Variants in KIAA2012 observed in about 807,000 individuals in gnomAD.
KIAA2012 encodes uncharacterized protein KIAA2012.
Under a neutral mutation model 150.6 loss-of-function variants are expected in KIAA2012, and 125 were observed. The ratio of observed to expected loss-of-function variants is 0.83; its 90% CI spans 0.72 to 0.96. The LOEUF is 0.96. Ranked by LOEUF, KIAA2012 falls within the 40% of genes least tolerant of loss-of-function variation. The probability of loss-of-function intolerance (pLI) is 0.00; values close to 1 mark genes in which losing one functional copy is unlikely to be tolerated. For missense variants in KIAA2012, 1,219 were observed against 1,354.9 expected, an observed-to-expected ratio of 0.90 and a Z score of 1.57; for synonymous variants, 462 against 504.7, an observed-to-expected ratio of 0.92 and a Z score of 1.13.
At chr2:202,080,178 C>A (rs1311611709) in intron 2 of KIAA2012, among the ~76,000 whole-genome samples, 1 of 152,180 alleles carries the variant, frequency 6.6e-6, no homozygotes, top group East Asian at 1.9e-4. Context: ...ATCTCCCCAG[C>A]TTTAACAGTA....
intron 13 of KIAA2012, among the ~76,000 whole-genome samples, chr2:202,140,493 G>T (rs535300004): frequency 1.3e-5 from 2 of 152,086 alleles, no homozygotes; most frequent in Non-Finnish European, 2.9e-5. Flanking sequence ...GAAAGAAAGG[G>T]CATCTGAGGA....
rs192571727 is a variant in KIAA2012, at chr2:202,190,229, A to G, written c.2547A>G (p.Gln849=). ...KKKLEKKTRP[Q]RKRTQKERNL... ...AATTAGAAAAAAAAACAAGACCCCA[A>G]AGGAAAAGGACACAGAAGGAAAGAA... is the stretch of plus-strand genomic sequence containing the variant. The change falls in exon 19 of 24, where the codon CAA becomes CAG. Residue 849 remains glutamine, a synonymous_variant. Transcript: ENST00000498697. The G allele has an allele frequency of 2.8e-5, 43 of 1,531,298 alleles. No individual in the cohort carries two copies. In the Admixed American group the frequency reaches 4.9e-4, roughly 17 times the overall value. 94.9% of individuals were successfully genotyped at this position (1,531,298 alleles called of 1,614,324 possible). A position where few individuals can be genotyped will look rare whatever the true frequency, so the allele number is the denominator to read the frequency against.
chr2:202,203,508 G>A (rs1172130022), intron 23 of KIAA2012, among the ~76,000 whole-genome samples: 3 of 152,128 alleles, frequency 2.0e-5, no homozygotes, highest in Admixed American at 1.3e-4. Flanking sequence ...AGCACCAGCC[G>A]CATGTAGCTA....
At position 202,109,602 on chromosome 2, in the gene KIAA2012, T is replaced by C; in HGVS notation, c.1475-11T>C. ...TTCTCACACAGGCTTTTTCCCCTTT[T>C]GTTTTTAAAGATGATGATGCCCCAC... On this transcript the variant is annotated splice_polypyrimidine_tract_variant and intron_variant, in intron 9 of 23. Transcript: ENST00000498697. The C allele has an allele frequency of 1.3e-6, 2 of 1,511,686 alleles. No individual in the cohort carries two copies. The highest frequency in any genetic ancestry group is 1.8e-6 in the Non-Finnish European group (2 of 1,132,160). 93.6% of individuals were successfully genotyped at this position (1,511,686 alleles called of 1,614,324 possible).
chr2:202,109,182 C>G (rs1268497175), intron 9 of KIAA2012, among the ~76,000 whole-genome samples: 2 of 152,214 alleles, frequency 1.3e-5, no homozygotes, highest in Non-Finnish European at 2.9e-5. Flanking sequence ...AGCTCTAAAG[C>G]TGGGATCTCC....
At chr2:202,187,357 T>C (rs1218685274) in intron 17 of KIAA2012, among the ~76,000 whole-genome samples, 1 of 151,900 alleles carries the variant, frequency 6.6e-6, no homozygotes, top group Admixed American at 6.6e-5. Context: ...CAGGCTGGAG[T>C]GCAGTGGCGC....
At chr2:202,128,565 C>T (rs1690852010) in intron 12 of KIAA2012, among the ~76,000 whole-genome samples, 1 of 152,154 alleles carries the variant, frequency 6.6e-6, no homozygotes, top group East Asian at 1.9e-4. Flanking sequence ...AGGCACCACA[C>T]TCAGTCACTA....
chr2:202,193,878 A>C (rs116981395), intron 20 of KIAA2012, among the ~76,000 whole-genome samples: 2 of 152,330 alleles, frequency 1.3e-5, no homozygotes, highest in East Asian at 3.9e-4. Context: ...CACAGGCCTC[A>C]ACTGCAATTT....
intron 2 of KIAA2012, among the ~76,000 whole-genome samples, chr2:202,076,111 A>T (rs1027241565): frequency 2.6e-5 from 4 of 152,176 alleles, no homozygotes; most frequent in Admixed American, 2.6e-4. Flanking sequence ...CACAACTTAA[A>T]TACCATCCCC....
intron 2 of KIAA2012, among the ~76,000 whole-genome samples, chr2:202,075,518 CT>C (rs1227278636): frequency 6.6e-6 from 1 of 152,214 alleles, no homozygotes; most frequent in Non-Finnish European, 1.5e-5. Context: ...CCTTGAAATC[CT>C]GTCTCATAGC....
rs138096416 is a variant in KIAA2012, at chr2:202,149,551, G to A, written c.1909-5122G>A. Among the ~76,000 whole-genome samples, 420 of 152,354 alleles carry A rather than the reference G, an allele frequency of 2.8e-3. 2 individuals carry two copies. The highest frequency in any genetic ancestry group is 9.9e-3 in the African/African-American group (410 of 41,580). The stretch of plus-strand genomic sequence containing the variant: ...GGCAGAATGAAGTTGTGAGCTGCGT[G>A]GGAGGGAGTTAGACAGTGAGAGTGT... On this transcript the variant is annotated intron_variant, in intron 13 of 23. Transcript: ENST00000498697.
intron 13 of KIAA2012, among the ~76,000 whole-genome samples, chr2:202,139,844 A>C (rs976843254): frequency 6.6e-6 from 1 of 152,212 alleles, no homozygotes; most frequent in Non-Finnish European, 1.5e-5. Context: ...TGCAACCCAA[A>C]GGCCATGCAA....
intron 19 of KIAA2012, among the ~76,000 whole-genome samples, chr2:202,193,046 G>C (rs1458618231): frequency 6.6e-6 from 1 of 152,220 alleles, no homozygotes. Flanking sequence ...ACAGTACCAT[G>C]AGGAAGACAA....
rs1166291830 is a variant in KIAA2012, at chr2:202,105,663, C to T, written c.1325-98C>T. Reference sequence around the variant, plus strand: ...AATGGACACTGCTCCAACCAAACCACATGGTGTGAGCAGGGAAGGGATAGG... The same window carrying T: ...AATGGACACTGCTCCAACCAAACCATATGGTGTGAGCAGGGAAGGGATAGG... On this transcript the variant is annotated intron_variant, in intron 8 of 23. Transcript: ENST00000498697. 2.1e-6 allele frequency: 3 copies of T among 1,446,884 alleles called. No individual in the cohort carries two copies. In the African/African-American group the frequency reaches 4.3e-5, roughly 21 times the overall value. 89.6% of individuals were successfully genotyped at this position (1,446,884 alleles called of 1,614,324 possible). A position where few individuals can be genotyped will look rare whatever the true frequency, so the allele number is the denominator to read the frequency against.
intron 14 of KIAA2012, among the ~76,000 whole-genome samples, chr2:202,162,572 G>A (rs1691678191): frequency 6.7e-6 from 1 of 149,034 alleles, no homozygotes; most frequent in Non-Finnish European, 1.5e-5. Flanking sequence ...ACCACACTTG[G>A]CCCAGAGTCT....
At position 202,187,088 on chromosome 2, in the gene KIAA2012, A is replaced by G. The variant is rs1372981681; in HGVS notation, c.2366A>G (p.Asn789Ser). ...PRLFSQETSA[N>S]ISHERDLINE... is the part of the protein sequence containing the mutation. ...CTGTTTAGCCAGGAGACATCAGCCA[A>G]CATCAGTCATGTGAGTGTAAACCCC... The change falls in exon 17 of 24, where the codon AAC becomes AGC. Residue 789 changes from asparagine to serine, a missense_variant. Coordinates refer to ENST00000498697, the MANE Select transcript of KIAA2012 (RefSeq NM_001277372.4). 3.2e-6 allele frequency: 5 copies of G among 1,550,562 alleles called. No individual in the cohort carries two copies. The highest frequency in any genetic ancestry group is 2.0e-5 in the Admixed American group (1 of 51,000).
intron 22 of KIAA2012, chr2:202,201,919 G>A: frequency 1.2e-6 from 1 of 859,386 alleles, no homozygotes; most frequent in Non-Finnish European, 2.0e-6. Flanking sequence ...CTCGGCATCA[G>A]GGACGGTTAT....
chr2:202,135,262 G>C (rs1311336357), intron 12 of KIAA2012, among the ~76,000 whole-genome samples: 3 of 152,194 alleles, frequency 2.0e-5, no homozygotes, highest in African/African-American at 7.2e-5. Flanking sequence ...CCAGTTTCAG[G>C]CATGCCTGGA....
chr2:202,159,581 C>T (rs1691606893), intron 14 of KIAA2012, among the ~76,000 whole-genome samples: 1 of 152,172 alleles, frequency 6.6e-6, no homozygotes, highest in South Asian at 2.1e-4. Context: ...GTGGCTCCCA[C>T]CTGTAATCCC....
Sources: allele counts gnomAD v4.1 joint callset (sites outside exome capture counted in the v4.1 genomes callset), GRCh38; gene constraint gnomAD v4.1.1; transcripts MANE v1.5; gene names NCBI Gene and HGNC (gene_info 2026-07-23, HGNC 2026-07-21).